RBFOX1: variants seen among roughly 807,000 people sequenced by gnomAD.
The protein encoded by RBFOX1 is RNA binding protein fox-1 homolog 1.
RBFOX1 carries 8 observed loss-of-function variants against 57.7 expected under a neutral mutation model. The ratio of observed to expected loss-of-function variants is 0.14; its 90% CI spans 0.08 to 0.25. The LOEUF is 0.25. Among genes scored for constraint, RBFOX1 ranks in the 10% least tolerant of loss-of-function variants. RBFOX1 has a pLI of 1.00. For missense variants in RBFOX1, 611 were observed against 548.5 expected (o/e 1.11, Z -1.14); for synonymous variants, 326 against 222.4 (o/e 1.47, Z -4.15).
intron 2 of RBFOX1, among the ~76,000 whole-genome samples, chr16:6,634,833 T>C (rs887410500): frequency 1.4e-5 from 2 of 139,868 alleles, no homozygotes; most frequent in African/African-American, 5.1e-5. Flanking sequence ...GATATACATA[T>C]ATTTGTATTA....
At chr16:5,771,029 C>T (rs1284317740) in intron 3 of RBFOX1, among the ~76,000 whole-genome samples, 1 of 152,180 alleles carries the variant, frequency 6.6e-6, no homozygotes, top group East Asian at 1.9e-4. Context: ...ATCATGGAGT[C>T]TCCTGGAGGA....
chr16:5,787,434 T>C (rs1179882502), intron 3 of RBFOX1, among the ~76,000 whole-genome samples: 1 of 152,182 alleles, frequency 6.6e-6, no homozygotes, highest in East Asian at 1.9e-4. Context: ...AAACTGGTCA[T>C]CTGAATAATA....
At chr16:6,415,807 G>A (rs183415143) in intron 2 of RBFOX1, among the ~76,000 whole-genome samples, 50 of 152,278 alleles carry the variant, frequency 3.3e-4, no homozygotes, top group African/African-American at 1.1e-3. Flanking sequence ...AAATGCAGAC[G>A]CAAATGACTG....
At chr16:6,190,417 C>T (rs974923199) in intron 1 of RBFOX1, among the ~76,000 whole-genome samples, 1 of 152,066 alleles carries the variant, frequency 6.6e-6, no homozygotes, top group African/African-American at 2.4e-5. Flanking sequence ...ATGTTTGAAT[C>T]CTGGCTTTAT....
chr16:5,444,412 C>G (rs938569886), intron 1 of RBFOX1, among the ~76,000 whole-genome samples: 1 of 152,126 alleles, frequency 6.6e-6, no homozygotes, highest in East Asian at 1.9e-4. Flanking sequence ...CAAGAATGAT[C>G]GGAAAGACAG....
Position 6,778,723 on chromosome 16 carries a change from T to C in RBFOX1, c.-16+124073T>C, listed in dbSNP as rs151335583. 9.5e-3 allele frequency among the ~76,000 whole-genome samples: 1,453 copies of C among 152,212 alleles called. 28 individuals carry two copies. The highest frequency in any genetic ancestry group is 0.033 in the African/African-American group (1,375 of 41,560). On this transcript the variant is annotated intron_variant, in intron 3 of 15. Transcript: ENST00000550418. ...TTCTTAAATTAAAGAAACTAGATTG[T>C]CTTCCTGAGTCTTTTGTGAAAAATA...
chr16:7,626,817 G>GT (rs1456130529), intron 10 of RBFOX1, among the ~76,000 whole-genome samples: 1 of 152,142 alleles, frequency 6.6e-6, no homozygotes, highest in Non-Finnish European at 1.5e-5. Flanking sequence ...GTGGAGACTT[G>GT]TTTTTAAAAA....
intron 3 of RBFOX1, among the ~76,000 whole-genome samples, chr16:6,755,752 C>A (rs951364583): frequency 3.9e-5 from 6 of 152,128 alleles, no homozygotes; most frequent in African/African-American, 1.4e-4. Flanking sequence ...CTTGTCACCC[C>A]CTTGTACTTT....
At chr16:6,582,245 T>C (rs1229831787) in intron 2 of RBFOX1, among the ~76,000 whole-genome samples, 2 of 152,232 alleles carry the variant, frequency 1.3e-5, no homozygotes, top group Non-Finnish European at 2.9e-5. Flanking sequence ...TCTTAATAGC[T>C]CATTGAATTT....
chr16:5,707,054 CA>C, intron 3 of RBFOX1, among the ~76,000 whole-genome samples: 1 of 152,266 alleles, frequency 6.6e-6, no homozygotes, highest in East Asian at 1.9e-4. Flanking sequence ...AGCACCCATC[CA>C]GGGGTGTCCA....
rs937473779 is a variant in RBFOX1 at position 6,957,254 on chromosome 16, C to T, written c.-15-94803C>T. Among the ~76,000 whole-genome samples the T allele has an allele frequency of 1.2e-4, 18 of 151,804 alleles. No homozygotes were observed. The East Asian group carries it at 3.3e-3, about 28-fold the overall frequency. ...TCACGCCATTCTCCTGCCTCAGCCTCCCGAGTAGCTGGGACTACAGGTGCC... is the reference window on the plus strand; with the variant it reads ...TCACGCCATTCTCCTGCCTCAGCCTTCCGAGTAGCTGGGACTACAGGTGCC... On this transcript the variant is annotated intron_variant, in intron 3 of 15. Transcript: ENST00000550418.
intron 1 of RBFOX1, among the ~76,000 whole-genome samples, chr16:6,220,624 A>G (rs919497182): frequency 3.3e-5 from 5 of 152,218 alleles, no homozygotes; most frequent in Non-Finnish European, 5.9e-5. Flanking sequence ...AACTATGTTT[A>G]CAGAGCTGTT....
At chr16:5,999,897 AAAAAAAAAAAG>A (rs1567239144) in intron 4 of RBFOX1, among the ~76,000 whole-genome samples, 26 of 62,826 alleles carry the variant, frequency 4.1e-4, no homozygotes, top group South Asian at 1.1e-3. Flanking sequence ...AAAAAAAAAA[AAAAAAAAAAAG>A]AGTGAAGAAG....
intron 3 of RBFOX1, among the ~76,000 whole-genome samples, chr16:5,826,985 C>G (rs901862409): frequency 2.6e-5 from 4 of 152,178 alleles, no homozygotes; most frequent in Non-Finnish European, 4.4e-5. Context: ...CCTTCAATGA[C>G]ATAGTGCTCA....
At chr16:5,593,602 C>T (rs376479719) in intron 2 of RBFOX1, among the ~76,000 whole-genome samples, 2 of 152,210 alleles carry the variant, frequency 1.3e-5, no homozygotes, top group Non-Finnish European at 2.9e-5. Flanking sequence ...CACTGCTACA[C>T]TCCCACCAGC....
chr16:6,977,305 TTG>T (rs1460131013), intron 3 of RBFOX1, among the ~76,000 whole-genome samples: 2 of 151,882 alleles, frequency 1.3e-5, no homozygotes, highest in Non-Finnish European at 2.9e-5. Flanking sequence ...TTCTTAATTA[TTG>T]TGTTTTGCAA....
At chr16:5,399,083 C>A (rs79924351) in intron 1 of RBFOX1, among the ~76,000 whole-genome samples, 10,632 of 152,256 alleles carry the variant, frequency 0.07, 427 homozygotes, top group East Asian at 0.12. Flanking sequence ...GGTGAGAACA[C>A]ATGGCTTTCG....
At chr16:6,605,598 T>G (rs2097914776) in intron 2 of RBFOX1, among the ~76,000 whole-genome samples, 1 of 152,170 alleles carries the variant, frequency 6.6e-6, no homozygotes, top group East Asian at 1.9e-4. Flanking sequence ...TGCTGCTACT[T>G]TACATGTAGT....
intron 4 of RBFOX1, among the ~76,000 whole-genome samples, chr16:7,453,848 G>A (rs560375804): frequency 2.0e-5 from 3 of 152,314 alleles, no homozygotes; most frequent in East Asian, 3.9e-4. Context: ...TAGAGTTCAT[G>A]TCCTCTAAAC....
Sources: allele counts gnomAD v4.1 joint callset (sites outside exome capture counted in the v4.1 genomes callset), GRCh38; gene constraint gnomAD v4.1.1; transcripts MANE v1.5; gene names NCBI Gene and HGNC (gene_info 2026-07-23, HGNC 2026-07-21).